KLHL5: variants seen among roughly 807,000 people sequenced by gnomAD.
KLHL5 encodes kelch like family member 5.
Under a neutral mutation model 77.7 loss-of-function variants are expected in KLHL5, and 48 were observed. The ratio of observed to expected loss-of-function variants is 0.62; its 90% CI spans 0.49 to 0.79. The LOEUF (loss-of-function observed/expected upper bound fraction) is 0.79, where lower values mean the gene tolerates loss of function less well. Among genes scored for constraint, KLHL5 ranks in the 30% least tolerant of loss-of-function variants. The probability of loss-of-function intolerance (pLI) is 0.00; values close to 1 mark genes in which losing one functional copy is unlikely to be tolerated. For missense variants in KLHL5, 723 were observed against 859.7 expected (o/e 0.84, Z 1.99); for synonymous variants, 260 against 297.0 (o/e 0.88, Z 1.28).
downstream of KLHL5, among the ~76,000 whole-genome samples, chr4:39,128,438 A>G (rs151318818): frequency 2.7e-4 from 41 of 152,228 alleles, no homozygotes; most frequent in East Asian, 6.6e-3. Context: ...TTCAGAAAGT[A>G]GTGAGTGGCC....
intron 9 of KLHL5, 61 bp downstream of exon 9, chr4:39,113,293 C>A (rs1315673569): frequency 3.7e-6 from 5 of 1,341,742 alleles, no homozygotes; most frequent in Admixed American, 4.3e-5. Flanking sequence ...CTGATACTTA[C>A]ATATATTTGG....
chr4:39,115,444 A>T, intron 10 of KLHL5, 114 bp downstream of exon 10: 1 of 1,544,854 alleles, frequency 6.5e-7, no homozygotes, highest in South Asian at 1.2e-5. Flanking sequence ...CATAAATATG[A>T]CAATCACGTT....
At chr4:39,054,250 T>C (rs2566120) in intron 1 of KLHL5, among the ~76,000 whole-genome samples, 37,140 of 152,160 alleles carry the variant, frequency 0.24, 4,654 homozygotes, top group South Asian at 0.36. Flanking sequence ...AGAATACTTC[T>C]TGCTTTGAAA....
rs2109640226 is a variant in KLHL5 at position 39,124,549 on chromosome 4, A to G, written c.*3483A>G. Among the ~76,000 whole-genome samples the G allele has an allele frequency of 6.6e-6, 1 of 152,310 alleles. No homozygotes were observed. The highest frequency in any genetic ancestry group is 1.9e-4 in the East Asian group (1 of 5,194). The stretch of plus-strand genomic sequence containing the variant: ...TCAATTGATTTTTGACAAGGGTTCC[A>G]GGACCATTCAATGAAGAAAGAACAG... On this transcript the variant is annotated 3_prime_UTR_variant, in exon 11 of 11. Coordinates refer to ENST00000504108, the MANE Select transcript of KLHL5 (RefSeq NM_015990.5).
upstream of KLHL5, chr4:39,044,873 C>G: frequency 1.1e-6 from 1 of 898,390 alleles, no homozygotes; most frequent in Non-Finnish European, 1.3e-6. Flanking sequence ...TCCGGGGCCA[C>G]CCGGGGACTC....
Position 39,086,566 on chromosome 4 carries a change from A to C in KLHL5, c.952A>C (p.Ser318Arg). Reference sequence around the variant, plus strand: ...CCAGGAATTTGTATTATTACCAGCCAGCGAAATTGCAAAGCTCTTGGCTAG... The same window carrying C: ...CCAGGAATTTGTATTATTACCAGCCCGCGAAATTGCAAAGCTCTTGGCTAG... The part of the protein sequence containing the change: ...RNQEFVLLPA[S>R]EIAKLLASDD... The change falls in exon 5 of 11, where the codon AGC (serine) becomes CGC (arginine). Residue 318 changes from serine (S) to arginine (R), a missense_variant. Physicochemically the swap from Ser to Arg is moderately radical, Grantham distance 110. This residue lies in a region of KLHL5 where 288 missense variants were observed against 400.3 expected (regional missense o/e 0.72). Transcript: ENST00000504108. The C allele has an allele frequency of 6.2e-7, 1 of 1,614,016 alleles. No homozygotes were observed. Among genetic ancestry groups the C allele is most frequent in the Non-Finnish European group, 8.5e-7 (1 of 1,179,926 alleles).
chr4:39,137,547 G>C, the KLHL5 span, among the ~76,000 whole-genome samples: 1 of 152,150 alleles, frequency 6.6e-6, no homozygotes, highest in Admixed American at 6.5e-5. Context: ...TTGAGCCCAG[G>C]AGGTCGAGGC....
rs1449753644 is a variant in KLHL5 at position 39,086,763 on chromosome 4, T to C, written c.1113+36T>C. On this transcript the variant is annotated intron_variant, in intron 5 of 10. Coordinates refer to ENST00000504108, the MANE Select transcript of KLHL5 (RefSeq NM_015990.5). The stretch of plus-strand genomic sequence containing the variant: ...GGCACTTGTTTATAGGAATTTTTCT[T>C]TGCCTATTCTATCAAAGAAAATAAT... 2.0e-6 allele frequency: 3 copies of C among 1,467,652 alleles called. No individual in the cohort carries two copies. The Admixed American group carries it at 5.1e-5, about 25-fold the overall frequency. 90.9% of individuals were successfully genotyped at this position (1,467,652 alleles called of 1,614,324 possible).
chr4:39,061,261 G>A (rs1190463561), upstream of KLHL5, among the ~76,000 whole-genome samples: 3 of 152,088 alleles, frequency 2.0e-5, no homozygotes, highest in African/African-American at 7.2e-5. Context: ...CAATATTTTT[G>A]TAAGCCTCCA....
Position 39,081,058 on chromosome 4 carries a change from A to C in KLHL5, c.567-45A>C, listed in dbSNP as rs776300161. The C allele has an allele frequency of 1.9e-6, 3 of 1,564,238 alleles. No homozygotes were observed. Among genetic ancestry groups the C allele is most frequent in the Non-Finnish European group, 2.6e-6 (3 of 1,154,754 alleles). ...CAGCAGCATTTATTAATGAACATCA[A>C]CTCGAATGTGGTCATTGATTTTTTT... On this transcript the variant is annotated intron_variant, in intron 2 of 10. Transcript: ENST00000504108. This position sits in a 1 kb window ranked among gnomAD's most constrained non-coding sequence, Gnocchi z 4.3.
rs754571611 is a variant in KLHL5 at position 39,081,977 on chromosome 4, AAAG to A, written c.723_725del (p.Glu241del). The A allele has an allele frequency of 1.3e-6, 2 of 1,590,600 alleles. No homozygotes were observed. Among genetic ancestry groups the A allele is most frequent in the Non-Finnish European group, 1.7e-6 (2 of 1,171,042 alleles). ...TTATCATTAAGGCCGCCTTGAATTA[AAAG>A]AAGATAATATTGAGTGCCTGTTATC... On this transcript the variant is annotated inframe_deletion, in exon 4 of 11. Coordinates refer to ENST00000504108, the MANE Select transcript of KLHL5 (RefSeq NM_015990.5). This position sits in a 1 kb window ranked among gnomAD's most constrained non-coding sequence, Gnocchi z 4.3.
chr4:39,064,766 G>T (rs1717734842), intron 1 of KLHL5, among the ~76,000 whole-genome samples: 1 of 151,886 alleles, frequency 6.6e-6, no homozygotes, highest in African/African-American at 2.4e-5. Flanking sequence ...GAAATAAAAA[G>T]ATTATCCTTT....
intron 1 of KLHL5, among the ~76,000 whole-genome samples, chr4:39,056,627 C>T (rs534963100): frequency 6.6e-6 from 1 of 152,232 alleles, no homozygotes; most frequent in Admixed American, 6.5e-5. Flanking sequence ...TAACCCAGGG[C>T]TCACTTGTTC....
intron 1 of KLHL5, among the ~76,000 whole-genome samples, chr4:39,051,098 C>G (rs1355755300): frequency 6.6e-6 from 1 of 152,172 alleles, no homozygotes; most frequent in Non-Finnish European, 1.5e-5. Context: ...CCAAACTGGT[C>G]TCCTAGACAC....
intron 1 of KLHL5, among the ~76,000 whole-genome samples, chr4:39,050,904 T>A (rs1013517546): frequency 3.3e-5 from 5 of 152,350 alleles, no homozygotes; most frequent in Non-Finnish European, 7.3e-5. Flanking sequence ...AAATGCCATC[T>A]CCATTGTAAT....
intron 8 of KLHL5, among the ~76,000 whole-genome samples, chr4:39,109,412 C>T (rs1046799449): frequency 1.3e-4 from 20 of 152,090 alleles, no homozygotes; most frequent in Non-Finnish European, 2.9e-4. Flanking sequence ...GGTTCTCCTG[C>T]TTCAGCCTCC....
chr4:39,106,059 A>G (rs953287096), intron 7 of KLHL5, among the ~76,000 whole-genome samples: 1 of 152,052 alleles, frequency 6.6e-6, no homozygotes, highest in Non-Finnish European at 1.5e-5. Context: ...TAAGATCCGA[A>G]GTCCTTACAA....
intron 5 of KLHL5, among the ~76,000 whole-genome samples, chr4:39,094,352 A>G (rs1328493807): frequency 6.6e-6 from 1 of 151,760 alleles, no homozygotes; most frequent in Non-Finnish European, 1.5e-5. Flanking sequence ...GTAGAAACCT[A>G]TAGAATAAAT....
At position 39,120,903 on chromosome 4, in the gene KLHL5, C is replaced by T. The variant is rs1477802672; in HGVS notation, c.2074-107C>T. The T allele has an allele frequency of 1.2e-5, 10 of 867,558 alleles. No individual in the cohort carries two copies. The East Asian group carries it at 2.5e-4, about 22-fold the overall frequency. The allele number at this position is 867,558 out of a possible 1,614,324, so 53.7% of individuals were successfully genotyped here. ...GCTGATACAGCAGGGGCCAGGGCAACAACCCTTTGCCAACAAGTACAGGCT... is the reference window on the plus strand; with the variant it reads ...GCTGATACAGCAGGGGCCAGGGCAATAACCCTTTGCCAACAAGTACAGGCT... On this transcript the variant is annotated intron_variant, in intron 10 of 10. Coordinates refer to ENST00000504108, the MANE Select transcript of KLHL5 (RefSeq NM_015990.5).
Sources: gnomAD v4.1 joint callset for allele counts (sites outside exome capture counted in the v4.1 genomes callset) on GRCh38, gnomAD v4.1.1 for gene constraint, gnomAD v4.1.1 regional missense constraint, Gnocchi (gnomAD v3.1) non-coding constraint, MANE v1.5 for transcripts, NCBI Gene and HGNC (gene_info 2026-07-23, HGNC 2026-07-21) for gene names.